The following ATXN7L1 variants were observed in gnomAD, a reference collection of about 807,000 sequenced individuals.
The protein encoded by ATXN7L1 is ataxin-7-like protein 1.
In ATXN7L1, 15 loss-of-function variants were observed where a neutral mutation model predicts 70.8. The ratio of observed to expected loss-of-function variants is 0.21; its 90% CI spans 0.14 to 0.33. ATXN7L1 has a LOEUF of 0.33. ATXN7L1 is among the 10% of genes least tolerant of loss of function. ATXN7L1 has a pLI of 1.00. For synonymous variants in ATXN7L1, 440 were observed against 445.1 expected (o/e 0.99, Z 0.14); for missense variants, 975 against 1,097.1 (o/e 0.89, Z 1.57).
chr7:105,610,654 G>A lies in ATXN7L1; in HGVS notation c.2473-51C>T, dbSNP rs1793062508. On this transcript the variant is annotated intron_variant, in intron 10 of 11. Coordinates refer to ENST00000419735, the MANE Select transcript of ATXN7L1 (RefSeq NM_020725.2). ...TCAGACACACGAGCCAGCCTGGGAA[G>A]GGCCCGCCGATGCCACATGTTCTAG... The A allele has an allele frequency of 4.7e-6, 7 of 1,483,350 alleles. No homozygotes were observed. The East Asian group carries it at 1.2e-4, about 26-fold the overall frequency. 91.9% of individuals were successfully genotyped at this position (1,483,350 alleles called of 1,614,324 possible).
At chr7:105,717,164 G>A (rs1466927222) in intron 3 of ATXN7L1, among the ~76,000 whole-genome samples, 1 of 152,070 alleles carries the variant, frequency 6.6e-6, no homozygotes, top group Non-Finnish European at 1.5e-5. Flanking sequence ...GTCTCGCTCT[G>A]TCGCCCAGGC....
rs571939145 is a variant in ATXN7L1, at chr7:105,867,564, G to A, written c.250+8248C>T. 1.8e-4 allele frequency among the ~76,000 whole-genome samples: 27 copies of A among 152,322 alleles called. No individual in the cohort carries two copies. The East Asian group carries it at 4.8e-3, about 27-fold the overall frequency. The stretch of plus-strand genomic sequence containing the variant: ...TGGAAGAGTCATCTTGGGAACTTTG[G>A]GAGGAGGGTTCCCTGGGGGACCGAG... On this transcript the variant is annotated intron_variant, in intron 2 of 11. Transcript: ENST00000419735.
intron 8 of ATXN7L1, among the ~76,000 whole-genome samples, chr7:105,622,730 T>C (rs1795113922): frequency 6.6e-6 from 1 of 152,200 alleles, no homozygotes; most frequent in South Asian, 2.1e-4. Context: ...TTCTGGTAGA[T>C]ATAAGGGGAA....
chr7:105,610,423 A>T, intron 11 of ATXN7L1, 106 bp downstream of exon 11: 1 of 1,027,902 alleles, frequency 9.7e-7, no homozygotes, highest in South Asian at 1.6e-5. Context: ...CATGCTCTTA[A>T]CTGGAGATGA....
chr7:105,692,511 A>G (rs1315468133), intron 3 of ATXN7L1, among the ~76,000 whole-genome samples: 2 of 142,192 alleles, frequency 1.4e-5, no homozygotes, highest in East Asian at 4.2e-4. Context: ...CAATGGCGCT[A>G]TCTTGGCTCA....
At chr7:105,619,139 A>ATTTTTTTTTTTT (rs1794365463) in intron 9 of ATXN7L1, among the ~76,000 whole-genome samples, 24 of 23,544 alleles carry the variant, frequency 1.0e-3, no homozygotes, top group South Asian at 1.6e-3. Context: ...TGAAATCTTT[A>ATTTTTTTTTTTT]GTTTTTTTTT....
intron 4 of ATXN7L1, among the ~76,000 whole-genome samples, chr7:105,660,545 C>CTA (rs1240793736): frequency 6.8e-6 from 1 of 146,506 alleles, no homozygotes; most frequent in Non-Finnish European, 1.5e-5. Flanking sequence ...CTCCTTCCTA[C>CTA]TACTTGTCCT....
chr7:105,762,451 C>T (rs1800674420), intron 3 of ATXN7L1, among the ~76,000 whole-genome samples: 2 of 152,124 alleles, frequency 1.3e-5, no homozygotes, highest in Non-Finnish European at 2.9e-5. Flanking sequence ...GGTGGCTTTG[C>T]TTTTGTAAGC....
At chr7:105,819,929 G>T in intron 2 of ATXN7L1, 1 of 505,902 alleles carries the variant, frequency 2.0e-6, no homozygotes, top group South Asian at 1.5e-5. Context: ...GAGGTTTGCT[G>T]TAAGTACCTG....
intron 3 of ATXN7L1, among the ~76,000 whole-genome samples, chr7:105,742,847 C>T (rs1584898370): frequency 6.6e-6 from 1 of 152,276 alleles, no homozygotes; most frequent in African/African-American, 2.4e-5. Flanking sequence ...CAGCCTGGGC[C>T]CTCCTCCAAA....
At chr7:105,668,845 A>C (rs1469645014) in intron 3 of ATXN7L1, among the ~76,000 whole-genome samples, 12 of 152,144 alleles carry the variant, frequency 7.9e-5, no homozygotes, top group Non-Finnish European at 1.3e-4. Flanking sequence ...TAGAGGCTAC[A>C]GCAAGTTGTG....
chr7:105,700,508 C>CAAA (rs1186998293), intron 3 of ATXN7L1, among the ~76,000 whole-genome samples: 16 of 49,832 alleles, frequency 3.2e-4, no homozygotes, highest in Admixed American at 5.4e-4. Context: ...GACTCTGTCT[C>CAAA]AAAAAAAAAA....
intron 5 of ATXN7L1, among the ~76,000 whole-genome samples, chr7:105,642,315 G>GA (rs1484227559): frequency 1.3e-5 from 2 of 152,178 alleles, no homozygotes; most frequent in African/African-American, 4.8e-5. Flanking sequence ...GATTATGGGG[G>GA]ATCGACAGTT....
intron 3 of ATXN7L1, among the ~76,000 whole-genome samples, chr7:105,668,797 G>C (rs369907567): frequency 1.3e-5 from 2 of 152,196 alleles, no homozygotes; most frequent in East Asian, 3.9e-4. Context: ...CTGGCACTTT[G>C]GCTGGCCAAG....
intron 3 of ATXN7L1, among the ~76,000 whole-genome samples, chr7:105,684,632 G>C (rs567695968): frequency 6.6e-6 from 1 of 152,314 alleles, no homozygotes; most frequent in Admixed American, 6.5e-5. Flanking sequence ...CCAGTCTGTT[G>C]AGATCTTTTT....
At chr7:105,856,972 T>C (rs1386805393) in intron 2 of ATXN7L1, among the ~76,000 whole-genome samples, 3 of 152,190 alleles carry the variant, frequency 2.0e-5, no homozygotes, top group African/African-American at 7.2e-5. Context: ...AGGCACTGAG[T>C]GTGTCTACAA....
At chr7:105,677,525 G>A (rs769704268) in intron 3 of ATXN7L1, among the ~76,000 whole-genome samples, 2 of 152,158 alleles carry the variant, frequency 1.3e-5, no homozygotes, top group Admixed American at 6.5e-5. Flanking sequence ...TATCTCCAGC[G>A]TTTAGCACAG....
At chr7:105,751,212 TG>T (rs1196453611) in intron 3 of ATXN7L1, among the ~76,000 whole-genome samples, 2 of 152,022 alleles carry the variant, frequency 1.3e-5, no homozygotes, top group Non-Finnish European at 2.9e-5. Context: ...AAGGGATGGA[TG>T]GGAAGGTGGG....
Position 105,868,455 on chromosome 7 carries a change from C to A in ATXN7L1, c.250+7357G>T, listed in dbSNP as rs1585195507. Among the ~76,000 whole-genome samples the A allele has an allele frequency of 3.9e-5, 6 of 152,296 alleles. No individual in the cohort carries two copies. In the South Asian group the frequency reaches 1.2e-3, roughly 32 times the overall value. On this transcript the variant is annotated intron_variant, in intron 2 of 11. Coordinates refer to ENST00000419735, the MANE Select transcript of ATXN7L1 (RefSeq NM_020725.2). ...CGTATTAAAAACTTGGCAAGACACCCAGAGGCTTAAATTGTTACCCTACTA... is the reference window on the plus strand; with the variant it reads ...CGTATTAAAAACTTGGCAAGACACCAAGAGGCTTAAATTGTTACCCTACTA...
Sources: allele counts gnomAD v4.1 joint callset (sites outside exome capture counted in the v4.1 genomes callset), GRCh38; gene constraint gnomAD v4.1.1; transcripts MANE v1.5; gene names NCBI Gene and HGNC (gene_info 2026-07-23, HGNC 2026-07-21).